Variants in RAB3C observed in about 807,000 individuals in gnomAD.
RAB3C encodes the protein RAB3C, member RAS oncogene family.
A neutral mutation model predicts 26.4 loss-of-function variants in RAB3C; 17 were observed. The ratio of observed to expected loss-of-function variants is 0.64; its 90% CI spans 0.44 to 0.97. The LOEUF (loss-of-function observed/expected upper bound fraction) is 0.97. Among genes scored for constraint, RAB3C ranks in the 50% least tolerant of loss-of-function variants. The probability of loss-of-function intolerance (pLI) is 0.00; values close to 1 mark genes in which losing one functional copy is unlikely to be tolerated. For missense variants in RAB3C, 242 were observed against 281.9 expected (o/e 0.86, Z 1.01); for synonymous variants, 91 against 95.9 (o/e 0.95, Z 0.30).
At chr5:58,719,683 G>T (rs764556178) in intron 2 of RAB3C, among the ~76,000 whole-genome samples, 2 of 151,902 alleles carry the variant, frequency 1.3e-5, no homozygotes, top group Non-Finnish European at 2.9e-5. Flanking sequence ...ATTCTTGGCA[G>T]TCCTTGTCTT....
intron 3 of RAB3C, among the ~76,000 whole-genome samples, chr5:58,762,302 G>T (rs545562487): frequency 6.6e-6 from 1 of 152,140 alleles, no homozygotes; most frequent in African/African-American, 2.4e-5. Flanking sequence ...GACAATGGTT[G>T]TTACTTCCTG....
At chr5:58,834,779 G>A (rs1395643302) in intron 4 of RAB3C, among the ~76,000 whole-genome samples, 1 of 152,160 alleles carries the variant, frequency 6.6e-6, no homozygotes, top group East Asian at 1.9e-4. Flanking sequence ...GGTTGGTTTA[G>A]GTGTGGTCAT....
At chr5:58,771,943 A>C (rs1450374366) in intron 3 of RAB3C, among the ~76,000 whole-genome samples, 1 of 151,774 alleles carries the variant, frequency 6.6e-6, no homozygotes, top group Non-Finnish European at 1.5e-5. Context: ...GTTAGCACCA[A>C]GAGATAAGAG....
intron 3 of RAB3C, among the ~76,000 whole-genome samples, chr5:58,820,016 C>T (rs1485259122): frequency 6.6e-6 from 1 of 152,078 alleles, no homozygotes; most frequent in Non-Finnish European, 1.5e-5. Context: ...GTTATTGGTA[C>T]GTGCATAGAA....
chr5:58,748,343 C>T (rs1306987513), intron 3 of RAB3C, among the ~76,000 whole-genome samples: 1 of 152,126 alleles, frequency 6.6e-6, no homozygotes, highest in African/African-American at 2.4e-5. Context: ...TTTCTTTCCA[C>T]TAGGCTGAAA....
At position 58,751,073 on chromosome 5, in the gene RAB3C, C is replaced by T. The variant is rs1445804362; in HGVS notation, c.371+24953C>T. 1.1e-4 allele frequency among the ~76,000 whole-genome samples: 16 copies of T among 152,074 alleles called. No homozygotes were observed. The East Asian group carries it at 2.1e-3, about 20-fold the overall frequency. ...TTCACCACGTTGGCCAGGCTGGTCT[C>T]GAACTCCAGGCCTCAAGTGATCCAC... is the stretch of plus-strand genomic sequence containing the variant. On this transcript the variant is annotated intron_variant, in intron 3 of 4. Coordinates refer to ENST00000282878, the MANE Select transcript of RAB3C (RefSeq NM_138453.4).
At chr5:58,746,080 T>C (rs1247587936) in intron 3 of RAB3C, among the ~76,000 whole-genome samples, 1 of 152,234 alleles carries the variant, frequency 6.6e-6, no homozygotes, top group Admixed American at 6.5e-5. Context: ...AATGTGTAAG[T>C]TGATAATTTA....
At chr5:58,605,253 C>G (rs1360550747) in intron 1 of RAB3C, among the ~76,000 whole-genome samples, 2 of 152,102 alleles carry the variant, frequency 1.3e-5, no homozygotes, top group East Asian at 3.9e-4. Context: ...TGCGGTCAAT[C>G]TGGAGCTAAA....
At chr5:58,758,537 A>G (rs968867405) in intron 3 of RAB3C, among the ~76,000 whole-genome samples, 1 of 152,224 alleles carries the variant, frequency 6.6e-6, no homozygotes, top group Non-Finnish European at 1.5e-5. Flanking sequence ...CATTTCTTCA[A>G]TAGATCTGTC....
rs1372431239 is a variant in RAB3C at position 58,597,182 on chromosome 5, T to C, written c.24+13950T>C. Reference sequence around the variant, plus strand: ...ATATTATATAATAATATATACTACATAATATATTATATAATAATATATACT... The same window carrying C: ...ATATTATATAATAATATATACTACACAATATATTATATAATAATATATACT... On this transcript the variant is annotated intron_variant, in intron 1 of 4. Transcript: ENST00000282878. 3.0e-3 allele frequency among the ~76,000 whole-genome samples: 6 copies of C among 2,028 alleles called. 1 individual carries two copies. Among genetic ancestry groups the C allele is most frequent in the Admixed American group, 0.022 (3 of 136 alleles). 1.3% of individuals were successfully genotyped at this position (2,028 alleles called of 152,430 possible). A position where few individuals can be genotyped will look rare whatever the true frequency, so the allele number is the denominator to read the frequency against.
intron 2 of RAB3C, among the ~76,000 whole-genome samples, chr5:58,670,859 A>G (rs1326382007): frequency 6.6e-6 from 1 of 152,148 alleles, no homozygotes; most frequent in Non-Finnish European, 1.5e-5. Context: ...GCCCTTATTT[A>G]TGACTTACAG....
At chr5:58,645,285 A>G (rs1295566619) in intron 2 of RAB3C, among the ~76,000 whole-genome samples, 1 of 152,228 alleles carries the variant, frequency 6.6e-6, no homozygotes, top group Non-Finnish European at 1.5e-5. Context: ...AGATCACCAG[A>G]TTCTAATTTT....
chr5:58,682,335 C>T (rs569844807), intron 2 of RAB3C, among the ~76,000 whole-genome samples: 3 of 152,232 alleles, frequency 2.0e-5, no homozygotes, highest in African/African-American at 7.2e-5. Flanking sequence ...GTCATTTTGC[C>T]ACTGCCACTA....
chr5:58,741,330 A>G (rs767015306), intron 3 of RAB3C, among the ~76,000 whole-genome samples: 7 of 152,168 alleles, frequency 4.6e-5, no homozygotes, highest in Non-Finnish European at 1.0e-4. Context: ...CAAATGGTTG[A>G]ACTCAATTTC....
At chr5:58,617,597 T>G in intron 1 of RAB3C, 46 bp from the exon 2 acceptor site, 1 of 1,350,296 alleles carries the variant, frequency 7.4e-7, no homozygotes, top group Non-Finnish European at 1.0e-6. Context: ...AATGAGAGTC[T>G]GATCTACACC....
At chr5:58,799,499 C>T (rs1459546017) in intron 3 of RAB3C, among the ~76,000 whole-genome samples, 1 of 152,140 alleles carries the variant, frequency 6.6e-6, no homozygotes, top group African/African-American at 2.4e-5. Context: ...CTAACCCCTT[C>T]AATACATTTT....
intron 3 of RAB3C, among the ~76,000 whole-genome samples, chr5:58,786,134 G>C (rs764536901): frequency 1.3e-5 from 2 of 152,168 alleles, no homozygotes; most frequent in Admixed American, 6.5e-5. Flanking sequence ...TTGTTATTTG[G>C]AACAGCAGCA....
At position 58,680,955 on chromosome 5, in the gene RAB3C, T is replaced by C. The variant is rs545478365; in HGVS notation, c.253-45047T>C. Among the ~76,000 whole-genome samples, 172 of 152,334 alleles carry C rather than the reference T, an allele frequency of 1.1e-3. 1 individual carries two copies. Among genetic ancestry groups the C allele is most frequent in the South Asian group, 3.1e-3 (15 of 4,834 alleles). The stretch of plus-strand genomic sequence containing the variant: ...CCACATCCCCCTTGCTTCACTCAGC[T>C]GTTTAAACAGCAAGTACATAAATCT... On this transcript the variant is annotated intron_variant, in intron 2 of 4. Transcript: ENST00000282878.
intron 3 of RAB3C, among the ~76,000 whole-genome samples, chr5:58,737,416 T>C (rs1484241413): frequency 3.5e-5 from 3 of 86,480 alleles, no homozygotes; most frequent in Admixed American, 1.1e-4. Flanking sequence ...TATATATATA[T>C]ATATATATAT....
Sources: allele counts gnomAD v4.1 joint callset (sites outside exome capture counted in the v4.1 genomes callset), GRCh38; gene constraint gnomAD v4.1.1; transcripts MANE v1.5; gene names NCBI Gene and HGNC (gene_info 2026-07-23, HGNC 2026-07-21).